The following TBX5 variants were observed in gnomAD, a reference collection of about 807,000 sequenced individuals.
TBX5 encodes T-box transcription factor TBX5.
A neutral mutation model predicts 51.1 loss-of-function variants in TBX5; 8 were observed. The ratio of observed to expected loss-of-function variants is 0.16; its 90% CI spans 0.09 to 0.28. The LOEUF is 0.28. Ranked by LOEUF, TBX5 falls within the 10% of genes least tolerant of loss-of-function variation. The pLI is 1.00. For synonymous variants in TBX5, 302 were observed against 266.4 expected (o/e 1.13, Z -1.30); for missense variants, 589 against 671.7 (o/e 0.88, Z 1.36).
intron 7 of TBX5, among the ~76,000 whole-genome samples, chr12:114,369,889 T>C (rs1356975848): frequency 6.6e-6 from 1 of 152,126 alleles, no homozygotes; most frequent in Non-Finnish European, 1.5e-5. Context: ...GCTTGACTTA[T>C]ATGCTTATCC....
At chr12:114,371,707 A>G (rs996941822) in intron 7 of TBX5, among the ~76,000 whole-genome samples, 2 of 151,686 alleles carry the variant, frequency 1.3e-5, no homozygotes, top group Non-Finnish European at 2.9e-5. Flanking sequence ...CTCTTGGAGC[A>G]AATTCCTCTT....
At chr12:114,362,731 C>T (rs112802486) in intron 8 of TBX5, among the ~76,000 whole-genome samples, 7,327 of 152,180 alleles carry the variant, frequency 0.048, 597 homozygotes, top group African/African-American at 0.17. Context: ...GTGGTGCAAT[C>T]ACAGCTCACT....
Position 114,385,535 on chromosome 12 carries a change from A to G in TBX5, c.696T>C (p.Phe232=), listed in dbSNP as rs747652988. 12 of 1,614,064 alleles carry G rather than the reference A, an allele frequency of 7.4e-6. No individual in the cohort carries two copies. Among genetic ancestry groups the G allele is most frequent in the Non-Finnish European group, 9.3e-6 (11 of 1,180,010 alleles). ...CATCACTGCCCCGAAATCCTTTGGC[A>G]AAGGGATTATTCTCAATCTTTAATT... ...ITQLKIENNP[F]AKGFRGSDDM... The change falls in exon 7 of 9, where the codon TTT becomes TTC. Residue 232 remains phenylalanine (F), a synonymous_variant. Coordinates refer to ENST00000405440, the MANE Select transcript of TBX5 (RefSeq NM_181486.4).
At chr12:114,400,058 G>T (rs904751415) in intron 3 of TBX5, among the ~76,000 whole-genome samples, 10 of 152,190 alleles carry the variant, frequency 6.6e-5, no homozygotes, top group African/African-American at 1.9e-4. Context: ...TGCTTCCGCC[G>T]ATCCTCGCGT....
At chr12:114,367,600 G>T (rs996442348) in intron 7 of TBX5, among the ~76,000 whole-genome samples, 15 of 151,672 alleles carry the variant, frequency 9.9e-5, no homozygotes, top group Admixed American at 7.9e-4. Context: ...AGCAGCAGGA[G>T]GCTCAAAGGA....
intron 7 of TBX5, among the ~76,000 whole-genome samples, chr12:114,368,212 A>G (rs1869660561): frequency 6.6e-6 from 1 of 152,170 alleles, no homozygotes. Flanking sequence ...TTATGTGCCT[A>G]TGGTCATAGC....
intron 7 of TBX5, among the ~76,000 whole-genome samples, chr12:114,376,825 A>G (rs370318350): frequency 6.6e-6 from 1 of 151,264 alleles, no homozygotes; most frequent in Non-Finnish European, 1.5e-5. Context: ...CTCATTAAAG[A>G]TGAGGAAAAA....
intron 2 of TBX5, among the ~76,000 whole-genome samples, chr12:114,403,276 G>T (rs1022846836): frequency 5.4e-5 from 8 of 147,762 alleles, no homozygotes; most frequent in African/African-American, 1.9e-4. Context: ...GGAGGAGGCA[G>T]GAGGAGGCAG....
intron 1 of TBX5, among the ~76,000 whole-genome samples, chr12:114,404,350 T>C (rs543262414): frequency 6.6e-6 from 1 of 152,114 alleles, no homozygotes; most frequent in Non-Finnish European, 1.5e-5. Context: ...AAACCCAGTG[T>C]CCTTTAGAGA....
intron 8 of TBX5, among the ~76,000 whole-genome samples, chr12:114,361,515 T>C (rs1033891790): frequency 6.6e-6 from 1 of 152,144 alleles, no homozygotes. Flanking sequence ...TTGAGTGGCA[T>C]TGATAAAAGA....
rs5015007 is a variant in TBX5 at position 114,367,278 on chromosome 12, T to G, written c.756-887A>C. ...GAAAGAAAGAAAAGAAAAGAAAAAATCAGCATGGGATCTAAGATTACGCAG... is the reference window on the plus strand; with the variant it reads ...GAAAGAAAGAAAAGAAAAGAAAAAAGCAGCATGGGATCTAAGATTACGCAG... On this transcript the variant is annotated intron_variant, in intron 7 of 8. Coordinates refer to ENST00000405440, the MANE Select transcript of TBX5 (RefSeq NM_181486.4). Among the ~76,000 whole-genome samples, 7 of 151,676 alleles carry G rather than the reference T, an allele frequency of 4.6e-5. No homozygotes were observed. The South Asian group carries it at 1.3e-3, about 27-fold the overall frequency.
At chr12:114,367,629 T>C (rs191690066) in intron 7 of TBX5, among the ~76,000 whole-genome samples, 57 of 123,286 alleles carry the variant, frequency 4.6e-4, no homozygotes, top group Non-Finnish European at 6.6e-5. Flanking sequence ...AGGTGGGGAA[T>C]GGATGGGATG....
upstream of TBX5, chr12:114,407,784 C>A: frequency 6.1e-6 from 6 of 985,378 alleles, no homozygotes; most frequent in Non-Finnish European, 7.2e-6. Flanking sequence ...AAACCTATTT[C>A]CCCCCTCAGT....
chr12:114,354,258 C>T lies in TBX5; in HGVS notation c.*1274G>A, dbSNP rs1269923539. The T allele has an allele frequency of 1.3e-5, 2 of 152,160 alleles. No homozygotes were observed. Among genetic ancestry groups the T allele is most frequent in the African/African-American group, 4.8e-5 (2 of 41,356 alleles). The allele number at this position is 152,160 out of a possible 1,614,324, so 9.4% of individuals were successfully genotyped here. A position where few individuals can be genotyped will look rare whatever the true frequency, so the allele number is the denominator to read the frequency against. The stretch of plus-strand genomic sequence containing the variant: ...TTTTGAGTATCAATAAAATTAAAAG[C>T]TCTTGGCCAGCTCCTATGCTGGGTT... On this transcript the variant is annotated 3_prime_UTR_variant, in exon 9 of 9. Transcript: ENST00000405440.
In TBX5 at chr12:114,385,477, T is replaced by A; in HGVS notation, c.754A>T (p.Ser252Cys). ...AAGTTGAGGAATCCACTTTCCTACC[T>A]TTGCATTCTTGACATTCTGTGCAGC... Reference protein sequence around the residue: ...MELHRMSRMQSKEYPVVPRST... With the variant: ...MELHRMSRMQCKEYPVVPRST... Residue 252 changes from serine to cysteine, a missense_variant and splice_region_variant, in exon 7 of 9, where the codon AGT becomes TGT. Coordinates refer to ENST00000405440, the MANE Select transcript of TBX5 (RefSeq NM_181486.4). 1 of 1,614,096 alleles carries A rather than the reference T, an allele frequency of 6.2e-7. No homozygotes were observed. The highest frequency in any genetic ancestry group is 8.5e-7 in the Non-Finnish European group (1 of 1,179,970).
At chr12:114,399,941 C>T (rs751463208) in intron 3 of TBX5, among the ~76,000 whole-genome samples, 2 of 152,210 alleles carry the variant, frequency 1.3e-5, no homozygotes, top group Non-Finnish European at 2.9e-5. Flanking sequence ...TCAACTCTTG[C>T]TAACCGCCCT....
chr12:114,398,778 C>T, intron 4 of TBX5, 58 bp from the exon 5 acceptor site: 1 of 1,562,298 alleles, frequency 6.4e-7, no homozygotes. Context: ...TAGCGCACTG[C>T]ACCGAAGCGT....
intron 6 of TBX5, among the ~76,000 whole-genome samples, chr12:114,392,711 T>A (rs1871226993): frequency 1.7e-5 from 1 of 58,640 alleles, no homozygotes; most frequent in Non-Finnish European, 3.4e-5. Context: ...GAATTGAGCT[T>A]CCTTATTGCT....
chr12:114,378,021 A>G (rs1870290754), intron 7 of TBX5, among the ~76,000 whole-genome samples: 1 of 151,982 alleles, frequency 6.6e-6, no homozygotes, highest in Non-Finnish European at 1.5e-5. Flanking sequence ...CCAGTCACCA[A>G]AAGTAGAGCC....
Sources: allele counts gnomAD v4.1 joint callset (sites outside exome capture counted in the v4.1 genomes callset), GRCh38; gene constraint gnomAD v4.1.1; transcripts MANE v1.5; gene names NCBI Gene and HGNC (gene_info 2026-07-23, HGNC 2026-07-21).